N4BP3: variants seen among roughly 807,000 people sequenced by gnomAD.
The protein encoded by N4BP3 is NEDD4 binding protein 3, also known as NEDD4-binding protein 3.
Under a neutral mutation model 43.8 loss-of-function variants are expected in N4BP3, and 33 were observed. The observed-to-expected ratio is 0.75, with a 90% CI of 0.57 to 1.01. N4BP3 has a LOEUF of 1.01. Ranked by LOEUF, N4BP3 falls within the 50% of genes least tolerant of loss-of-function variation. N4BP3 has a pLI of 0.00. For missense variants in N4BP3, 756 were observed against 744.2 expected (o/e 1.02, Z -0.18); for synonymous variants, 326 against 321.9 (o/e 1.01, Z -0.14).
rs1757994805 is a variant in N4BP3, at chr5:178,124,103, C to T, written c.*2102C>T. On this transcript the variant is annotated 3_prime_UTR_variant, in exon 5 of 5. Transcript: ENST00000274605. ...CTCAGAGCCAGGTGCTGGCCAGATG[C>T]CTTGATCACAGCCTCCATGGCCAGG... 1 of 152,768 alleles carries T rather than the reference C, an allele frequency of 6.5e-6. No individual in the cohort carries two copies. Among genetic ancestry groups the T allele is most frequent in the Admixed American group, 6.5e-5 (1 of 15,292 alleles). 9.5% of individuals were successfully genotyped at this position (152,768 alleles called of 1,614,324 possible).
In N4BP3 at chr5:178,121,717, G is replaced by T; in HGVS notation, c.1351G>T (p.Gly451Cys). Residue 451 changes from glycine (G) to cysteine (C), a missense_variant, in exon 5 of 5, where the codon GGC becomes TGC. By Grantham distance (159) the Gly-to-Cys change is radical. Transcript: ENST00000274605. The stretch of plus-strand genomic sequence containing the variant: ...TGAGACTGATGACTGCAAGAGCAGG[G>T]GCCTGCTAGGGGAGGCAGGAGGCAG... ...SCETDDCKSR[G>C]LLGEAGGSEA... The T allele has an allele frequency of 6.2e-7, 1 of 1,609,056 alleles. No homozygotes were observed.
chr5:178,121,040 G>T, intron 3 of N4BP3, 58 bp from the exon 4 acceptor site: 1 of 1,554,252 alleles, frequency 6.4e-7, no homozygotes, highest in South Asian at 1.2e-5. Flanking sequence ...ATCAGGTGGA[G>T]CTCTGAGTCG....
In N4BP3 at chr5:178,122,307, G is replaced by A; in HGVS notation, c.*306G>A. On this transcript the variant is annotated 3_prime_UTR_variant, in exon 5 of 5. Coordinates refer to ENST00000274605, the MANE Select transcript of N4BP3 (RefSeq NM_015111.2). ...CAAGGTCCCGAAGGGCAGGTCAGAG[G>A]GAGAGAGGCTGGAGACCTGGGCTGG... The A allele has an allele frequency of 6.0e-6, 2 of 333,654 alleles. No individual in the cohort carries two copies. Among genetic ancestry groups the A allele is most frequent in the East Asian group, 5.0e-5 (1 of 19,896 alleles). 20.7% of individuals were successfully genotyped at this position (333,654 alleles called of 1,614,324 possible).
rs1757827929 is a variant in N4BP3, at chr5:178,118,603, C to T, written c.-30-951C>T. Among the ~76,000 whole-genome samples, 1 of 152,172 alleles carries T rather than the reference C, an allele frequency of 6.6e-6. No individual in the cohort carries two copies. Among genetic ancestry groups the T allele is most frequent in the Non-Finnish European group, 1.5e-5 (1 of 68,036 alleles). On this transcript the variant is annotated intron_variant, in intron 1 of 4. Coordinates refer to ENST00000274605, the MANE Select transcript of N4BP3 (RefSeq NM_015111.2). The surrounding 1 kb of genome is among the most constrained non-coding windows in gnomAD (Gnocchi z 5.4). ...GAACACCTGTCCCGGAAACTGTGGC[C>T]ATTGTTCACGTCATCCTTCCTCCTT...
intron 4 of N4BP3, 61 bp downstream of exon 4, chr5:178,121,413 C>G: frequency 6.2e-7 from 1 of 1,613,152 alleles, no homozygotes; most frequent in Non-Finnish European, 8.5e-7. Context: ...CTTCTTCTGC[C>G]TGCCCCCTCC....
At position 178,122,014 on chromosome 5, in the gene N4BP3, G is replaced by T. The variant is rs367910204; in HGVS notation, c.*13G>T. ...CTCCAAGATCTGAGGCCAGCAGAGC[G>T]AGCTGACAGCAGCAACACTGTCAGA... On this transcript the variant is annotated 3_prime_UTR_variant, in exon 5 of 5. Transcript: ENST00000274605. 2 of 1,572,432 alleles carry T rather than the reference G, an allele frequency of 1.3e-6. No individual in the cohort carries two copies. The highest frequency in any genetic ancestry group is 2.4e-5 in the South Asian group (2 of 84,620).
Position 178,123,984 on chromosome 5 carries a change from A to G in N4BP3, c.*1983A>G, listed in dbSNP as rs1757991703. ...CAGGTCAGGCAGGCCAGTCGTCTAC[A>G]CACCCCCTTGGTACCCATTCCCATT... On this transcript the variant is annotated 3_prime_UTR_variant, in exon 5 of 5. Transcript: ENST00000274605. The G allele has an allele frequency of 6.5e-6, 1 of 152,750 alleles. No homozygotes were observed. The highest frequency in any genetic ancestry group is 6.5e-5 in the Admixed American group (1 of 15,286). 9.5% of individuals were successfully genotyped at this position (152,750 alleles called of 1,614,324 possible).
At position 178,121,644 on chromosome 5, in the gene N4BP3, G is replaced by GCGCAGCCCCCATGTCTCTTGTCTTCC. The variant is rs747219055; in HGVS notation, c.1285_1286insCCCATGTCTCTTGTCTTCCCGCAGCC (p.Leu429ProfsTer34). 6.2e-7 allele frequency: 1 copy of GCGCAGCCCCCATGTCTCTTGTCTTCC among 1,612,596 alleles called. No individual in the cohort carries two copies. Among genetic ancestry groups the GCGCAGCCCCCATGTCTCTTGTCTTCC allele is most frequent in the Non-Finnish European group, 8.5e-7 (1 of 1,179,866 alleles). ...AGCTGGTCCGGCTGCGCGAGGCTGT[G>GCGCAGCCCCCATGTCTCTTGTCTTCC]CGCAGCCTGCAGGAGCAGGCCCCTC... On this transcript the variant is annotated frameshift_variant, in exon 5 of 5. Transcript: ENST00000274605. LOFTEE classifies it high-confidence loss of function.
chr5:178,115,888 GA>G (rs1052242381), intron 1 of N4BP3, among the ~76,000 whole-genome samples: 43 of 152,314 alleles, frequency 2.8e-4, no homozygotes, highest in Middle Eastern at 3.4e-3. Flanking sequence ...TAATCTTGGG[GA>G]CTGGAGAGGG....
chr5:178,120,551 C>T lies in N4BP3; in HGVS notation c.704C>T (p.Pro235Leu). ...ASQGPKEAGPPAVLSCLPEPP... is the reference protein window; with the variant it reads ...ASQGPKEAGPLAVLSCLPEPP... The stretch of plus-strand genomic sequence containing the variant: ...CAAGGACCCAAGGAGGCTGGGCCAC[C>T]AGCTGTGCTGAGCTGCCTGCCCGAG... Residue 235 changes from proline (P) to leucine (L), a missense_variant, in exon 3 of 5, where the codon CCA becomes CTA. Physicochemically the swap from Pro to Leu is moderately conservative, Grantham distance 98. Transcript: ENST00000274605. The T allele has an allele frequency of 1.2e-6, 2 of 1,613,086 alleles. No homozygotes were observed. Among genetic ancestry groups the T allele is most frequent in the Non-Finnish European group, 1.7e-6 (2 of 1,180,016 alleles).
In N4BP3 at chr5:178,120,601, T is replaced by G; in HGVS notation, c.754T>G (p.Cys252Gly). The G allele has an allele frequency of 6.2e-7, 1 of 1,612,216 alleles. No individual in the cohort carries two copies. The highest frequency in any genetic ancestry group is 8.5e-7 in the Non-Finnish European group (1 of 1,179,994). The change falls in exon 3 of 5, where the codon TGC (cysteine) becomes GGC (glycine). Residue 252 changes from cysteine to glycine, a missense_variant. By Grantham distance (159) the Cys-to-Gly change is radical. Coordinates refer to ENST00000274605, the MANE Select transcript of N4BP3 (RefSeq NM_015111.2). ...PEPPPPYEFS[C>G]SSAEEMGAVL... is the part of the protein sequence containing the mutation. ...GCCACCACCCCCCTACGAGTTCTCC[T>G]GCTCCTCTGCCGAGGAAATGGGAGC...
rs1346905106 is a variant in N4BP3, at chr5:178,120,336, G to A, written c.489G>A (p.Arg163=). 2 of 1,607,116 alleles carry A rather than the reference G, an allele frequency of 1.2e-6. No homozygotes were observed. The highest frequency in any genetic ancestry group is 1.7e-6 in the Non-Finnish European group (2 of 1,176,036). Reference sequence around the variant, plus strand: ...ACCCGCCCCTGAGCCCCGGGCCCCGGGCCAGCCAGGCCCGGGCACAGCTGC... The same window carrying A: ...ACCCGCCCCTGAGCCCCGGGCCCCGAGCCAGCCAGGCCCGGGCACAGCTGC... ...ACHPPLSPGP[R]ASQARAQLLH... The change falls in exon 3 of 5, where the codon CGG becomes CGA. Residue 163 remains arginine, a synonymous_variant. Transcript: ENST00000274605.
chr5:178,120,994 G>T, intron 3 of N4BP3, 104 bp from the exon 4 acceptor site: 1 of 1,434,826 alleles, frequency 7.0e-7, no homozygotes, highest in Non-Finnish European at 9.2e-7. Flanking sequence ...TGGGTCCTGT[G>T]GTGTAGGGGC....
In N4BP3 at chr5:178,119,883, C is replaced by T; in HGVS notation, c.300C>T (p.Thr100=). ...EHSRAGDFSK[T]SLPERGRFDK... is the part of the protein sequence containing the mutation. Reference sequence around the variant, plus strand: ...CTCGCGCGGGTGACTTCAGCAAGACCTCGCTGCCAGAACGGGGTCGCTTTG... The same window carrying T: ...CTCGCGCGGGTGACTTCAGCAAGACTTCGCTGCCAGAACGGGGTCGCTTTG... Residue 100 remains threonine (T), a synonymous_variant, in exon 2 of 5, where the codon ACC becomes ACT. Coordinates refer to ENST00000274605, the MANE Select transcript of N4BP3 (RefSeq NM_015111.2). The T allele has an allele frequency of 6.2e-7, 1 of 1,611,020 alleles. No individual in the cohort carries two copies. Among genetic ancestry groups the T allele is most frequent in the Non-Finnish European group, 8.5e-7 (1 of 1,179,640 alleles).
At position 178,122,942 on chromosome 5, in the gene N4BP3, T is replaced by G. The variant is rs1162092396; in HGVS notation, c.*941T>G. On this transcript the variant is annotated 3_prime_UTR_variant, in exon 5 of 5. Transcript: ENST00000274605. ...TTTACCACAGCAAGGAATGGGAACA[T>G]TTCCCCATCAGCAACGGGGCTCTAG... 6.6e-6 allele frequency: 1 copy of G among 152,216 alleles called. No homozygotes were observed. Among genetic ancestry groups the G allele is most frequent in the South Asian group, 2.1e-4 (1 of 4,832 alleles). 9.4% of individuals were successfully genotyped at this position (152,216 alleles called of 1,614,324 possible). A position where few individuals can be genotyped will look rare whatever the true frequency, so the allele number is the denominator to read the frequency against.
chr5:178,121,944 G>A lies in N4BP3; in HGVS notation c.1578G>A (p.Arg526=), dbSNP rs1194438226. ...ACCAGGCACTGGAGCAGGAACTGCG[G>A]GCACTGCGGGAGCCCCCCACACCCT... The part of the protein sequence containing the change: ...RRNQALEQEL[R]ALREPPTPWS... The change falls in exon 5 of 5, where the codon CGG becomes CGA. Residue 526 remains arginine (R), a synonymous_variant. Coordinates refer to ENST00000274605, the MANE Select transcript of N4BP3 (RefSeq NM_015111.2). The A allele has an allele frequency of 4.3e-6, 7 of 1,611,672 alleles. No individual in the cohort carries two copies. The Admixed American group carries it at 1.0e-4, about 23-fold the overall frequency.
At chr5:178,121,053 T>C (rs762966333) in intron 3 of N4BP3, 45 bp from the exon 4 acceptor site, 1 of 1,578,250 alleles carries the variant, frequency 6.3e-7, no homozygotes, top group Non-Finnish European at 8.5e-7. Flanking sequence ...CTGAGTCGCC[T>C]CTAGGGGGCA....
rs1049949926 is a variant in N4BP3 at position 178,123,115 on chromosome 5, G to A, written c.*1114G>A. ...CGGATCCCTGCTCTCAGCTAAGGCTGGTCCCTAAAACCCACACCTGCCTTT... is the reference window on the plus strand; with the variant it reads ...CGGATCCCTGCTCTCAGCTAAGGCTAGTCCCTAAAACCCACACCTGCCTTT... On this transcript the variant is annotated 3_prime_UTR_variant, in exon 5 of 5. Transcript: ENST00000274605. The A allele has an allele frequency of 6.6e-6, 1 of 152,342 alleles. No homozygotes were observed. Among genetic ancestry groups the A allele is most frequent in the African/African-American group, 2.4e-5 (1 of 41,454 alleles). 9.4% of individuals were successfully genotyped at this position (152,342 alleles called of 1,614,324 possible).
rs1757923130 is a variant in N4BP3, at chr5:178,121,530, G to GGCGGACAC, written c.1169_1170insCACGCGGA (p.Glu390AspfsTer15). The GGCGGACAC allele has an allele frequency of 6.2e-7, 1 of 1,613,778 alleles. No homozygotes were observed. Among genetic ancestry groups the GGCGGACAC allele is most frequent in the Admixed American group, 1.7e-5 (1 of 60,016 alleles). The stretch of plus-strand genomic sequence containing the variant: ...TGAAGCAGCAGCTGCGTGAAGCCCA[G>GGCGGACAC]GCGGAACTGGCCCAGAAGCTGGCGG... On this transcript the variant is annotated frameshift_variant, in exon 5 of 5. Transcript: ENST00000274605. LOFTEE classifies it high-confidence loss of function.
Sources: allele counts gnomAD v4.1 joint callset (sites outside exome capture counted in the v4.1 genomes callset), GRCh38; gene constraint gnomAD v4.1.1; non-coding constraint Gnocchi (gnomAD v3.1); transcripts MANE v1.5; gene names NCBI Gene and HGNC (gene_info 2026-07-23, HGNC 2026-07-21).